ATP11A: variants seen among roughly 807,000 people sequenced by gnomAD.
ATP11A encodes phospholipid-transporting ATPase IH.
In ATP11A, 81 loss-of-function variants were observed where a neutral mutation model predicts 154.4. That is an observed-to-expected ratio of 0.52 (90% CI 0.44 to 0.63). The LOEUF is 0.63. Among genes scored for constraint, ATP11A ranks in the 30% least tolerant of loss-of-function variants. ATP11A has a pLI of 0.00. For synonymous variants in ATP11A, 623 were observed against 585.9 expected (o/e 1.06, Z -0.91); for missense variants, 1,316 against 1,474.3 (o/e 0.89, Z 1.76).
intron 2 of ATP11A, among the ~76,000 whole-genome samples, chr13:112,803,267 T>C (rs1383003550): frequency 1.3e-5 from 2 of 152,228 alleles, no homozygotes; most frequent in Non-Finnish European, 2.9e-5. Context: ...ATTCAGAACA[T>C]GTTGGTTAGT....
At chr13:112,824,719 A>G (rs541280276) in intron 10 of ATP11A, among the ~76,000 whole-genome samples, 4 of 152,244 alleles carry the variant, frequency 2.6e-5, no homozygotes, top group Admixed American at 2.6e-4. Context: ...TCCTCTCACC[A>G]TTTCATGAAA....
intron 16 of ATP11A, among the ~76,000 whole-genome samples, chr13:112,840,116 C>G (rs2079355697): frequency 6.7e-6 from 1 of 148,216 alleles, no homozygotes; most frequent in African/African-American, 2.6e-5. Context: ...CCTCCAGCCT[C>G]AGCCTCCCCA....
intron 5 of ATP11A, among the ~76,000 whole-genome samples, chr13:112,814,802 ATCT>A (rs1386615025): frequency 6.6e-6 from 1 of 151,982 alleles, no homozygotes; most frequent in Non-Finnish European, 1.5e-5. Context: ...TTCCCCCTCA[ATCT>A]TCTTTTTCAA....
chr13:112,865,087 A>G (rs1594219519), intron 25 of ATP11A, among the ~76,000 whole-genome samples: 1 of 120,504 alleles, frequency 8.3e-6, no homozygotes, highest in Admixed American at 8.9e-5. Flanking sequence ...CCACATGGGC[A>G]GTAATTCAGT....
chr13:112,852,649 C>T (rs2079799841), intron 18 of ATP11A, among the ~76,000 whole-genome samples: 4 of 151,986 alleles, frequency 2.6e-5, no homozygotes, highest in African/African-American at 4.8e-5. Flanking sequence ...GCAGCTGGGT[C>T]GATCTTTAGA....
At chr13:112,764,077 T>A (rs996663396) in intron 1 of ATP11A, among the ~76,000 whole-genome samples, 4 of 152,180 alleles carry the variant, frequency 2.6e-5, no homozygotes, top group African/African-American at 4.8e-5. Context: ...TTGTTTGGAG[T>A]GTTACCAGGA....
In ATP11A at chr13:112,882,183, C is replaced by T. The variant is rs112060496; in HGVS notation, c.*317C>T. 27 of 1,245,446 alleles carry T rather than the reference C, an allele frequency of 2.2e-5. 1 individual carries two copies. In the African/African-American group the frequency reaches 3.8e-4, roughly 18 times the overall value. The allele number at this position is 1,245,446 out of a possible 1,614,324, so 77.1% of individuals were successfully genotyped here. A position where few individuals can be genotyped will look rare whatever the true frequency, so the allele number is the denominator to read the frequency against. ...GCACCCTGGCCGCCTGGACCCAGCA[C>T]TGTGGTTGTTGAGCCACACCAGTGG... On this transcript the variant is annotated 3_prime_UTR_variant, in exon 30 of 30. Coordinates refer to ENST00000375645, the MANE Select transcript of ATP11A (RefSeq NM_015205.3). This position sits in a 1 kb window ranked among gnomAD's most constrained non-coding sequence, Gnocchi z 5.1.
chr13:112,711,191 A>G (rs549290933), intron 1 of ATP11A, among the ~76,000 whole-genome samples: 2 of 152,364 alleles, frequency 1.3e-5, no homozygotes, highest in Non-Finnish European at 2.9e-5. Flanking sequence ...TTCCTGAGCC[A>G]GAGCCATTTA....
At chr13:112,853,228 C>T (rs753852176) in intron 18 of ATP11A, among the ~76,000 whole-genome samples, 10 of 151,866 alleles carry the variant, frequency 6.6e-5, no homozygotes, top group Non-Finnish European at 1.2e-4. Flanking sequence ...TTCTCTTGCT[C>T]GCTCTCTTTC....
intron 4 of ATP11A, among the ~76,000 whole-genome samples, chr13:112,808,179 C>T (rs971440267): frequency 2.0e-5 from 3 of 152,122 alleles, no homozygotes; most frequent in Non-Finnish European, 4.4e-5. Context: ...GTGTCCTCGG[C>T]CCGGCTGTGC....
intron 1 of ATP11A, among the ~76,000 whole-genome samples, chr13:112,784,554 C>T (rs866658992): frequency 3.4e-5 from 5 of 148,360 alleles, no homozygotes; most frequent in Admixed American, 1.3e-4. Flanking sequence ...GACAGAGTCT[C>T]GCTCTGTCCC....
chr13:112,797,284 CA>C (rs34154413), intron 2 of ATP11A, among the ~76,000 whole-genome samples: 153 of 36,260 alleles, frequency 4.2e-3, no homozygotes, highest in East Asian at 0.026. Flanking sequence ...AACTCCATCT[CA>C]AAAAAAAAAA....
rs531716740 is a variant in ATP11A, at chr13:112,793,158, T to C, written c.162+7901T>C. ...AGGCCACAGAAGAGGATAGAGCCCC[T>C]GTAGTCTGGCACTGGGCTTGGACTT... On this transcript the variant is annotated intron_variant, in intron 2 of 29. Transcript: ENST00000375645. Among the ~76,000 whole-genome samples the C allele has an allele frequency of 2.3e-3, 347 of 152,304 alleles. 1 individual carries two copies. The highest frequency in any genetic ancestry group is 4.1e-3 in the Non-Finnish European group (276 of 68,028).
At position 112,753,334 on chromosome 13, in the gene ATP11A, G is replaced by A. The variant is rs189770490; in HGVS notation, c.40-31801G>A. Among the ~76,000 whole-genome samples, 2 of 152,160 alleles carry A rather than the reference G, an allele frequency of 1.3e-5. No individual in the cohort carries two copies. Among genetic ancestry groups the A allele is most frequent in the African/African-American group, 2.4e-5 (1 of 41,434 alleles). ...GTGAGTACATCAGCTATATTTCTGC[G>A]AGGACAGCTTTGGGATCGCTTTGGA... On this transcript the variant is annotated intron_variant, in intron 1 of 29. Coordinates refer to ENST00000375645, the MANE Select transcript of ATP11A (RefSeq NM_015205.3). The surrounding 1 kb of genome is among the most constrained non-coding windows in gnomAD (Gnocchi z 4.1).
At chr13:112,857,672 A>T (rs565446108) in intron 20 of ATP11A, 146 bp from the exon 21 acceptor site, 17 of 656,894 alleles carry the variant, frequency 2.6e-5, no homozygotes, top group Non-Finnish European at 4.2e-5. Flanking sequence ...GAGAAAACAG[A>T]CAGAATGTCG....
At chr13:112,707,415 CAAAAAAAAAA>C (rs35020608) in intron 1 of ATP11A, among the ~76,000 whole-genome samples, 18 of 80,696 alleles carry the variant, frequency 2.2e-4, no homozygotes, top group African/African-American at 7.2e-4. Context: ...AATTCTGTCT[CAAAAAAAAAA>C]AAAAAAAAAG....
rs9577395 is a variant in ATP11A, at chr13:112,880,670, C to T, written c.*10-1206C>T. On this transcript the variant is annotated intron_variant, in intron 29 of 29. Coordinates refer to ENST00000375645, the MANE Select transcript of ATP11A (RefSeq NM_015205.3). ...GCTAGGTAACTGTGCGGCTGCTGGA[C>T]GCCGCCCGTGTGCTGTGACTGTCAG... 6 of 1,280,868 alleles carry T rather than the reference C, an allele frequency of 4.7e-6. No individual in the cohort carries two copies. In the Admixed American group the frequency reaches 9.4e-5, roughly 20 times the overall value. 79.3% of individuals were successfully genotyped at this position (1,280,868 alleles called of 1,614,324 possible).
At chr13:112,864,475 T>A (rs2080247921) in intron 25 of ATP11A, among the ~76,000 whole-genome samples, 1 of 83,148 alleles carries the variant, frequency 1.2e-5, no homozygotes, top group Non-Finnish European at 2.5e-5. Flanking sequence ...CCCAGCGGGG[T>A]CCATCACCAC....
chr13:112,876,007 C>CATG, intron 28 of ATP11A, 66 bp downstream of exon 28: 1 of 1,538,314 alleles, frequency 6.5e-7, no homozygotes. Context: ...GGGAGATGAC[C>CATG]GTTTTGAAAG....
Sources: gnomAD v4.1 joint callset for allele counts (sites outside exome capture counted in the v4.1 genomes callset) on GRCh38, gnomAD v4.1.1 for gene constraint, Gnocchi (gnomAD v3.1) non-coding constraint, MANE v1.5 for transcripts, NCBI Gene and HGNC (gene_info 2026-07-23, HGNC 2026-07-21) for gene names.